Variants in HFM1 observed in about 807,000 individuals in gnomAD.
The protein encoded by HFM1 is helicase for meiosis 1.
A neutral mutation model predicts 192.1 loss-of-function variants in HFM1; 169 were observed. That is an observed-to-expected ratio of 0.88 (90% confidence interval 0.78 to 1.00). The LOEUF (loss-of-function observed/expected upper bound fraction) is 1.00, where lower values mean the gene tolerates loss of function less well. HFM1 is among the 50% of genes least tolerant of loss of function. HFM1 has a pLI of 0.00. For missense variants in HFM1, 1,661 were observed against 1,668.0 expected (o/e 1.00, Z 0.07); for synonymous variants, 525 against 537.8 (o/e 0.98, Z 0.33).
chr1:91,295,781 G>GT (rs916728344), intron 30 of HFM1, among the ~76,000 whole-genome samples: 6 of 151,744 alleles, frequency 4.0e-5, no homozygotes, highest in South Asian at 2.1e-4. Context: ...TTTGTGCCCT[G>GT]TTTTTTTAAA....
intron 5 of HFM1, 150 bp from the exon 6 acceptor site, chr1:91,385,384 T>A (rs1662072989): frequency 1.3e-6 from 1 of 758,646 alleles, no homozygotes; most frequent in Non-Finnish European, 2.1e-6. Flanking sequence ...GTTAAAAATA[T>A]TTTTAGCACA....
At chr1:91,287,065 G>T (rs1668063868) in intron 30 of HFM1, among the ~76,000 whole-genome samples, 1 of 152,260 alleles carries the variant, frequency 6.6e-6, no homozygotes, top group East Asian at 1.9e-4. Context: ...AAACTGCAAG[G>T]CGGCAGCGAG....
chr1:91,329,569 T>C, intron 20 of HFM1: 1 of 1,261,612 alleles, frequency 7.9e-7, no homozygotes, highest in South Asian at 1.5e-5. Flanking sequence ...TGCCCTCTTG[T>C]ACCCTTAAGA....
intron 30 of HFM1, among the ~76,000 whole-genome samples, chr1:91,300,141 G>A (rs1288158450): frequency 6.6e-6 from 1 of 152,092 alleles, no homozygotes; most frequent in East Asian, 1.9e-4. Context: ...TACCATCAGA[G>A]AATACTATAA....
chr1:91,261,231 G>T lies in HFM1; in HGVS notation c.*59C>A. ...ACTACTTTTTAAAAATAAAAAGCAT[G>T]CTTTGTGATTAGGTGTCTTTATTCT... On this transcript the variant is annotated 3_prime_UTR_variant, in exon 39 of 39. Coordinates refer to ENST00000370425, the MANE Select transcript of HFM1 (RefSeq NM_001017975.6). 1.4e-6 allele frequency: 1 copy of T among 690,358 alleles called. No homozygotes were observed. Among genetic ancestry groups the T allele is most frequent in the Non-Finnish European group, 2.2e-6 (1 of 462,448 alleles). 42.8% of individuals were successfully genotyped at this position (690,358 alleles called of 1,614,324 possible). A position where few individuals can be genotyped will look rare whatever the true frequency, so the allele number is the denominator to read the frequency against.
intron 25 of HFM1, 151 bp from the exon 26 acceptor site, chr1:91,316,627 G>A: frequency 2.5e-6 from 1 of 397,278 alleles, no homozygotes; most frequent in Non-Finnish European, 4.4e-6. Context: ...GTTTTCAGTT[G>A]GATTATTGGG....
intron 1 of HFM1, among the ~76,000 whole-genome samples, chr1:91,401,414 A>G (rs1664294739): frequency 6.6e-6 from 1 of 152,166 alleles, no homozygotes; most frequent in Admixed American, 6.5e-5. Flanking sequence ...GTCAAATGTC[A>G]TTTCTTCTTC....
intron 13 of HFM1, among the ~76,000 whole-genome samples, chr1:91,359,509 G>A (rs1236680206): frequency 6.7e-6 from 1 of 149,810 alleles, no homozygotes; most frequent in Non-Finnish European, 1.5e-5. Flanking sequence ...GAATCTCTGA[G>A]CTAGAAGATT....
In HFM1 at chr1:91,316,429, T is replaced by C; in HGVS notation, c.2860A>G (p.Lys954Glu). ...CTTGCATCTGTCTCTTCTATTTTTTTAAAGGAAGTCAAACCAGCATTTACG... is the reference window on the plus strand; with the variant it reads ...CTTGCATCTGTCTCTTCTATTTTTTCAAAGGAAGTCAAACCAGCATTTACG... ...AIVNAGLTSFKKIEETDAREL... is the reference protein window; with the variant it reads ...AIVNAGLTSFEKIEETDAREL... The change falls in exon 26 of 39, where the codon AAA becomes GAA. Residue 954 changes from lysine to glutamate, a missense_variant. Physicochemically the swap from Lys to Glu is moderately conservative, Grantham distance 56 (BLOSUM62 1). Transcript: ENST00000370425. 6.3e-7 allele frequency: 1 copy of C among 1,581,962 alleles called. No homozygotes were observed. The highest frequency in any genetic ancestry group is 8.6e-7 in the Non-Finnish European group (1 of 1,160,590).
At chr1:91,398,037 T>C (rs767935049) in intron 2 of HFM1, among the ~76,000 whole-genome samples, 6 of 152,338 alleles carry the variant, frequency 3.9e-5, no homozygotes, top group South Asian at 2.1e-4. Context: ...AGTTTACACA[T>C]AGTAAGCCAC....
intron 1 of HFM1, among the ~76,000 whole-genome samples, chr1:91,401,572 T>C (rs2102217393): frequency 6.6e-6 from 1 of 152,324 alleles, no homozygotes; most frequent in East Asian, 1.9e-4. Flanking sequence ...ACTATGTACA[T>C]ATGCAGGGAT....
At chr1:91,358,279 A>T (rs1254949862) in intron 13 of HFM1, among the ~76,000 whole-genome samples, 1 of 149,674 alleles carries the variant, frequency 6.7e-6, no homozygotes, top group Non-Finnish European at 1.5e-5. Context: ...GCAAGACTCC[A>T]TCTCAAAAAA....
At chr1:91,335,842 A>T (rs574278585) in intron 20 of HFM1, among the ~76,000 whole-genome samples, 4 of 152,070 alleles carry the variant, frequency 2.6e-5, no homozygotes, top group African/African-American at 9.6e-5. Context: ...TCATACTTTC[A>T]TGAGATGGCC....
At chr1:91,295,175 G>A (rs781215835) in intron 30 of HFM1, among the ~76,000 whole-genome samples, 1 of 152,060 alleles carries the variant, frequency 6.6e-6, no homozygotes, top group Non-Finnish European at 1.5e-5. Flanking sequence ...CTATTTTGAA[G>A]TGTCTGTTTA....
chr1:91,275,009 G>C (rs1416341339), intron 32 of HFM1, among the ~76,000 whole-genome samples, 200 bp from the exon 33 acceptor site: 1 of 144,366 alleles, frequency 6.9e-6, no homozygotes, highest in Non-Finnish European at 1.5e-5. Flanking sequence ...TTTTGAGATG[G>C]AGTTTTGTTC....
intron 30 of HFM1, among the ~76,000 whole-genome samples, chr1:91,294,129 G>C (rs1669121120): frequency 6.6e-6 from 1 of 151,606 alleles, no homozygotes; most frequent in South Asian, 2.1e-4. Flanking sequence ...CAGTGCACCA[G>C]CATGGCACAT....
intron 30 of HFM1, among the ~76,000 whole-genome samples, chr1:91,292,166 A>G (rs1038892854): frequency 2.7e-5 from 4 of 150,382 alleles, no homozygotes; most frequent in Non-Finnish European, 4.4e-5. Context: ...CTCTCTCACC[A>G]CTCCTATTCA....
chr1:91,373,647 A>AC (rs1402118383), intron 13 of HFM1, among the ~76,000 whole-genome samples: 3 of 150,878 alleles, frequency 2.0e-5, no homozygotes, highest in African/African-American at 7.3e-5. Context: ...AGTGTATGGT[A>AC]CCCCCCGACC....
At chr1:91,350,916 A>AT in intron 17 of HFM1, 45 bp from the exon 18 acceptor site, 1 of 1,478,920 alleles carries the variant, frequency 6.8e-7, no homozygotes, top group South Asian at 1.3e-5. Context: ...GTTCAATGCC[A>AT]TAACTCTTAC....
Sources: gnomAD v4.1 joint callset for allele counts (sites outside exome capture counted in the v4.1 genomes callset) on GRCh38, gnomAD v4.1.1 for gene constraint, MANE v1.5 for transcripts, NCBI Gene and HGNC (gene_info 2026-07-23, HGNC 2026-07-21) for gene names.